The following PBRM1 variants were observed in gnomAD, a reference collection of about 807,000 sequenced individuals.
PBRM1 encodes protein polybromo-1.
PBRM1 carries 27 observed loss-of-function variants against 194.5 expected under a neutral mutation model. That is an observed-to-expected ratio of 0.14 (90% confidence interval 0.10 to 0.19). PBRM1 has a LOEUF of 0.19. Ranked by LOEUF, PBRM1 falls within the 10% of genes least tolerant of loss-of-function variation. PBRM1 has a pLI of 1.00. For synonymous variants in PBRM1, 655 were observed against 693.2 expected, an observed-to-expected ratio of 0.94 and a Z score of 0.87; for missense variants, 1,466 against 2,077.2, an observed-to-expected ratio of 0.71 and a Z score of 5.72.
chr3:52,672,183 TGTA>T (rs1384081506), intron 2 of PBRM1, among the ~76,000 whole-genome samples: 2 of 152,208 alleles, frequency 1.3e-5, no homozygotes, highest in Non-Finnish European at 2.9e-5. Flanking sequence ...TCCCTTGGCT[TGTA>T]GTCTCCTTCC....
At chr3:52,546,806 G>C (rs2079738923), downstream of PBRM1, 1 of 233,110 alleles carries the variant, frequency 4.3e-6, no homozygotes, top group African/African-American at 2.2e-5. Flanking sequence ...GATCTGTAAT[G>C]GTCTTTCTAG....
At chr3:52,647,063 A>G (rs2096314005) in intron 7 of PBRM1, among the ~76,000 whole-genome samples, 1 of 152,184 alleles carries the variant, frequency 6.6e-6, no homozygotes, top group South Asian at 2.1e-4. Context: ...AACAACAAAA[A>G]AACAGTAACA....
intron 3 of PBRM1, among the ~76,000 whole-genome samples, chr3:52,665,921 G>A (rs914188811): frequency 2.6e-5 from 4 of 152,096 alleles, no homozygotes; most frequent in Non-Finnish European, 4.4e-5. Flanking sequence ...TAAAGTCTTC[G>A]TATTGTTTGG....
rs397875454 is a variant in PBRM1 at position 52,638,987 on chromosome 3, G to T, written c.1087+2967C>A. Among the ~76,000 whole-genome samples the T allele has an allele frequency of 1.9e-3, 153 of 81,330 alleles. 3 individuals are homozygous for T. Among genetic ancestry groups the T allele is most frequent in the Middle Eastern group, 5.7e-3 (1 of 174 alleles). The allele number at this position is 81,330 out of a possible 152,430, so 53.4% of individuals were successfully genotyped here. On this transcript the variant is annotated intron_variant, in intron 10 of 29. Transcript: ENST00000296302. ...CATAACGTTATTCACATTTTTTTTT[G>T]GGGGGGGGGGGCGGGGGACAAAGTT...
At chr3:52,551,881 C>T (rs937339425) in intron 27 of PBRM1, 1 of 152,194 alleles carries the variant, frequency 6.6e-6, no homozygotes, top group Non-Finnish European at 1.5e-5. Flanking sequence ...TGCATGTCAT[C>T]CTTGTGCCAT....
At chr3:52,550,878 C>T in intron 27 of PBRM1, 61 bp from the exon 30 acceptor site, 1 of 1,071,140 alleles carries the variant, frequency 9.3e-7, no homozygotes, top group South Asian at 1.3e-5. Context: ...TGAAAAACTA[C>T]TGTCTGATAA....
intron 1 of PBRM1, chr3:52,684,758 C>A (rs2097283097): frequency 6.6e-6 from 1 of 152,176 alleles, no homozygotes; most frequent in Non-Finnish European, 1.5e-5. Context: ...AGGATATTAA[C>A]ATTTGAGGTA....
chr3:52,559,401 G>C (rs535378722), intron 25 of PBRM1, among the ~76,000 whole-genome samples: 2 of 152,212 alleles, frequency 1.3e-5, no homozygotes, highest in South Asian at 4.2e-4. Context: ...CTGAAATGCT[G>C]TATTTCCAAA....
rs1227600181 is a variant in PBRM1, at chr3:52,609,806, C to G, written c.2074G>C (p.Glu692Gln). The stretch of plus-strand genomic sequence containing the variant: ...ATAGTCAGATAGTAGTCAGGCAACT[C>G]AGATCTAGAGGGAAGCCTCAGAAAT... Residue 692 changes from glutamate (E) to glutamine (Q), a missense_variant, in exon 16 of 30, where the codon GAG becomes CAG. Glu to Gln is a conservative substitution (Grantham distance 29, BLOSUM62 2). Coordinates refer to ENST00000296302, the Ensembl canonical transcript of PBRM1. This position sits in a 1 kb window ranked among gnomAD's most constrained non-coding sequence, Gnocchi z 4.1. 1 of 1,613,296 alleles carries G rather than the reference C, an allele frequency of 6.2e-7. No homozygotes were observed.
intron 22 of PBRM1, among the ~76,000 whole-genome samples, chr3:52,576,043 A>C (rs1181557030): frequency 2.6e-5 from 4 of 152,156 alleles, no homozygotes; most frequent in African/African-American, 9.7e-5. Context: ...TCTGAGGAGC[A>C]GAAAGGAAAA....
chr3:52,594,901 A>G (rs1037908052), intron 17 of PBRM1, among the ~76,000 whole-genome samples: 10 of 152,028 alleles, frequency 6.6e-5, no homozygotes, highest in Admixed American at 1.3e-4. Context: ...TAGGCCCCCA[A>G]TCTCTTCTTG....
chr3:52,667,883 G>A (rs1417233437), intron 3 of PBRM1, among the ~76,000 whole-genome samples: 3 of 150,296 alleles, frequency 2.0e-5, no homozygotes, highest in African/African-American at 7.4e-5. Flanking sequence ...AACATAGGGA[G>A]ACTCTGTCTC....
intron 16 of PBRM1, among the ~76,000 whole-genome samples, 193 bp from the exon 19 acceptor site, chr3:52,603,925 C>A (rs931425830): frequency 6.6e-6 from 1 of 152,110 alleles, no homozygotes; most frequent in East Asian, 1.9e-4. Context: ...GCCCCATGCC[C>A]ACCATTTTCC....
chr3:52,674,641 AAAATATAT>A (rs1414010758), intron 2 of PBRM1, among the ~76,000 whole-genome samples: 3 of 76,102 alleles, frequency 3.9e-5, no homozygotes, highest in Admixed American at 3.3e-4. Context: ...AAAAAAAAAA[AAAATATAT>A]ATATATATAT....
At chr3:52,677,103 A>C (rs1189510061) in intron 2 of PBRM1, among the ~76,000 whole-genome samples, 1 of 152,202 alleles carries the variant, frequency 6.6e-6, no homozygotes, top group African/African-American at 2.4e-5. Flanking sequence ...ACCCTGATTA[A>C]TACAAAAACA....
At chr3:52,651,792 C>T in exon 6 of PBRM1, 1 of 1,603,122 alleles carries the variant, frequency 6.2e-7, no homozygotes, top group East Asian at 2.2e-5. Flanking sequence ...TTAATTATTG[C>T]ATAATAATCT....
chr3:52,672,491 C>CT (rs34792299), intron 2 of PBRM1, among the ~76,000 whole-genome samples: 3,093 of 103,856 alleles, frequency 0.03, 133 homozygotes, highest in African/African-American at 0.082. Flanking sequence ...TTTTTTTTGG[C>CT]TTTTTTTTTT....
intron 9 of PBRM1, 73 bp downstream of exon 10, chr3:52,643,175 C>T: frequency 9.8e-7 from 1 of 1,024,820 alleles, no homozygotes; most frequent in Non-Finnish European, 1.5e-6. Context: ...TCAAGATAGC[C>T]ATTGGGCAAA....
chr3:52,643,376 T>C (rs753532113), intron 8 of PBRM1, 33 bp from the exon 10 acceptor site: 3 of 1,427,592 alleles, frequency 2.1e-6, no homozygotes, highest in Admixed American at 1.7e-5. Flanking sequence ...GCTTAGAAAC[T>C]TGGTAGCTGA....
Sources: allele counts gnomAD v4.1 joint callset (sites outside exome capture counted in the v4.1 genomes callset), GRCh38; gene constraint gnomAD v4.1.1; non-coding constraint Gnocchi (gnomAD v3.1); transcripts MANE v1.5; gene names NCBI Gene and HGNC (gene_info 2026-07-23, HGNC 2026-07-21).